The following HNF1B variants were observed in gnomAD, a reference collection of about 807,000 sequenced individuals.
HNF1B encodes hepatocyte nuclear factor 1-beta.
A neutral mutation model predicts 61.7 loss-of-function variants in HNF1B; 8 were observed. That is an observed-to-expected ratio of 0.13 (90% CI 0.08 to 0.23). The LOEUF is 0.23. HNF1B is among the 10% of genes least tolerant of loss of function. The pLI is 1.00. For synonymous variants in HNF1B, 314 were observed against 287.7 expected (o/e 1.09, Z -0.93); for missense variants, 562 against 714.5 (o/e 0.79, Z 2.43).
chr17:37,704,486 C>A (rs1247502106), intron 6 of HNF1B, among the ~76,000 whole-genome samples: 1 of 152,162 alleles, frequency 6.6e-6, no homozygotes, highest in African/African-American at 2.4e-5. Flanking sequence ...ACAGAAAGAA[C>A]CTCCTGAAAA....
At chr17:37,719,382 G>A (rs1202784491) in intron 4 of HNF1B, among the ~76,000 whole-genome samples, 1 of 152,158 alleles carries the variant, frequency 6.6e-6, no homozygotes, top group Non-Finnish European at 1.5e-5. Flanking sequence ...CCGAGTTTGG[G>A]GGCTACTGGG....
chr17:37,695,604 A>G (rs2032358639), intron 8 of HNF1B, among the ~76,000 whole-genome samples: 1 of 152,246 alleles, frequency 6.6e-6, no homozygotes, highest in Non-Finnish European at 1.5e-5. Context: ...AAGCCACAGG[A>G]ACAGAGCTGC....
At chr17:37,703,884 C>G (rs745925866) in intron 6 of HNF1B, among the ~76,000 whole-genome samples, 1 of 152,100 alleles carries the variant, frequency 6.6e-6, no homozygotes, top group Non-Finnish European at 1.5e-5. Flanking sequence ...CCGACCCTAG[C>G]TAAAGCTGAT....
At chr17:37,721,036 A>G (rs2033296304) in intron 4 of HNF1B, 6 of 772,460 alleles carry the variant, frequency 7.8e-6, no homozygotes, top group Non-Finnish European at 9.4e-6. Context: ...CTCTTGCTGA[A>G]CAAGAACTCA....
chr17:37,697,508 C>G (rs1184197969), intron 8 of HNF1B, among the ~76,000 whole-genome samples: 1 of 152,182 alleles, frequency 6.6e-6, no homozygotes, highest in African/African-American at 2.4e-5. Flanking sequence ...CTTGTTTCAA[C>G]AAGCAACCAT....
chr17:37,733,856 G>A (rs757254523), intron 2 of HNF1B, 35 bp from the exon 3 acceptor site: 2 of 1,607,246 alleles, frequency 1.2e-6, no homozygotes, highest in Admixed American at 1.7e-5. Flanking sequence ...GATAGGGTCT[G>A]TAGCCTTCAC....
intron 4 of HNF1B, among the ~76,000 whole-genome samples, chr17:37,719,121 ATTATTATTATTG>A (rs1209863481): frequency 6.6e-6 from 1 of 151,312 alleles, no homozygotes; most frequent in Non-Finnish European, 1.5e-5. Context: ...TAATATTATT[ATTATTATTATTG>A]TTATTATTAT....
intron 5 of HNF1B, among the ~76,000 whole-genome samples, chr17:37,705,725 A>G (rs1403883073): frequency 6.6e-6 from 1 of 152,106 alleles, no homozygotes; most frequent in Admixed American, 6.5e-5. Flanking sequence ...TGATGGTAAC[A>G]GGGTCTTTTC....
chr17:37,687,438 G>T, intron 8 of HNF1B, 46 bp from the exon 9 acceptor site: 1 of 1,459,484 alleles, frequency 6.9e-7, no homozygotes, highest in Non-Finnish European at 9.6e-7. Flanking sequence ...TCATTTGGCA[G>T]GGTCATGGGC....
chr17:37,728,156 C>A (rs1285828452), intron 4 of HNF1B, among the ~76,000 whole-genome samples: 1 of 152,076 alleles, frequency 6.6e-6, no homozygotes, highest in Non-Finnish European at 1.5e-5. Context: ...CACCTGCCAC[C>A]ACGCCCAGCT....
intron 1 of HNF1B, among the ~76,000 whole-genome samples, chr17:37,740,860 T>C (rs546633770): frequency 1.1e-3 from 165 of 152,362 alleles, no homozygotes; most frequent in African/African-American, 3.8e-3. Flanking sequence ...TTTATTTGTC[T>C]AGAATGGTTT....
chr17:37,739,955 T>C (rs761257295), intron 1 of HNF1B, among the ~76,000 whole-genome samples: 3 of 151,520 alleles, frequency 2.0e-5, no homozygotes, highest in African/African-American at 4.9e-5. Flanking sequence ...ATTTAATTAA[T>C]TAATTAATTT....
chr17:37,687,808 C>T (rs1264666145), intron 8 of HNF1B, among the ~76,000 whole-genome samples: 2 of 152,162 alleles, frequency 1.3e-5, no homozygotes, highest in Non-Finnish European at 2.9e-5. Flanking sequence ...GCCTCCTATA[C>T]TAATGCTTCT....
intron 8 of HNF1B, among the ~76,000 whole-genome samples, chr17:37,692,682 G>A (rs11868513): frequency 0.17 from 25,197 of 152,204 alleles, 2,521 homozygotes; most frequent in East Asian, 0.26. Context: ...TAAGCCCAAA[G>A]GGTATGGGTG....
chr17:37,725,219 C>T (rs549030880), intron 4 of HNF1B, among the ~76,000 whole-genome samples: 1 of 152,336 alleles, frequency 6.6e-6, no homozygotes, highest in East Asian at 1.9e-4. Context: ...CAGGCAGCTT[C>T]CTTCCTCCTC....
intron 8 of HNF1B, among the ~76,000 whole-genome samples, chr17:37,695,503 A>T (rs1312919959): frequency 6.6e-6 from 1 of 152,208 alleles, no homozygotes; most frequent in Non-Finnish European, 1.5e-5. Context: ...CCCTACCAGG[A>T]TACTGCCTAA....
At chr17:37,689,807 A>G (rs1344537160) in intron 8 of HNF1B, among the ~76,000 whole-genome samples, 2 of 152,206 alleles carry the variant, frequency 1.3e-5, no homozygotes, top group African/African-American at 2.4e-5. Context: ...CACAAGCATC[A>G]CTGCCTCGAG....
intron 4 of HNF1B, among the ~76,000 whole-genome samples, chr17:37,717,186 A>G (rs1156860722): frequency 6.6e-6 from 1 of 152,068 alleles, no homozygotes; most frequent in Non-Finnish European, 1.5e-5. Flanking sequence ...CTTTCACTGA[A>G]GTCTATGAGC....
intron 5 of HNF1B, among the ~76,000 whole-genome samples, chr17:37,710,237 G>T (rs1033806687): frequency 2.6e-5 from 4 of 152,174 alleles, no homozygotes; most frequent in African/African-American, 9.7e-5. Flanking sequence ...GTGTCCCACC[G>T]GGCTTGCTCC....
Sources: gnomAD v4.1 joint callset for allele counts (sites outside exome capture counted in the v4.1 genomes callset) on GRCh38, gnomAD v4.1.1 for gene constraint, MANE v1.5 for transcripts, NCBI Gene and HGNC (gene_info 2026-07-23, HGNC 2026-07-21) for gene names.